The following CELF4 variants were observed in gnomAD, a reference collection of about 807,000 sequenced individuals.
The protein encoded by CELF4 is CUGBP Elav-like family member 4, also known as CUG-BP- and ETR-3-like factor 4.
In CELF4, 18 loss-of-function variants were observed where a neutral mutation model predicts 59.9. The ratio of observed to expected loss-of-function variants is 0.30; its 90% CI spans 0.21 to 0.45. The LOEUF (loss-of-function observed/expected upper bound fraction) is 0.45, where lower values mean the gene tolerates loss of function less well. Among genes scored for constraint, CELF4 ranks in the 20% least tolerant of loss-of-function variants. The pLI, the probability that CELF4 is intolerant of heterozygous loss-of-function variation, is 1.00. For missense variants in CELF4, 456 were observed against 689.0 expected (o/e 0.66, Z 3.79); for synonymous variants, 261 against 267.1 (o/e 0.98, Z 0.22).
chr18:37,477,451 G>C (rs2099853257), intron 2 of CELF4, among the ~76,000 whole-genome samples: 1 of 152,216 alleles, frequency 6.6e-6, no homozygotes, highest in African/African-American at 2.4e-5. Context: ...GTCTGCCCTG[G>C]CTGAATCTTG....
At chr18:37,305,860 A>G (rs768201660) in intron 3 of CELF4, 15 of 152,268 alleles carry the variant, frequency 9.9e-5, no homozygotes, top group Non-Finnish European at 2.2e-4. Context: ...TGGTCAACTT[A>G]GTGCTTTGAT....
intron 2 of CELF4, among the ~76,000 whole-genome samples, chr18:37,381,209 C>T (rs1195384456): frequency 6.6e-6 from 1 of 152,166 alleles, no homozygotes; most frequent in Non-Finnish European, 1.5e-5. Context: ...TGATGCCAGG[C>T]CGTACACTAG....
intron 2 of CELF4, among the ~76,000 whole-genome samples, chr18:37,347,749 C>T (rs1336572398): frequency 6.6e-6 from 1 of 152,096 alleles, no homozygotes; most frequent in African/African-American, 2.4e-5. Context: ...ACACAGGGGG[C>T]AAGTCCCACA....
At chr18:37,487,425 C>T (rs1401870650) in intron 1 of CELF4, among the ~76,000 whole-genome samples, 5 of 152,178 alleles carry the variant, frequency 3.3e-5, no homozygotes, top group Admixed American at 6.5e-5. Flanking sequence ...GGAGAAGCTT[C>T]GGAGAAATCT....
chr18:37,463,141 T>C (rs1011294340), intron 2 of CELF4, among the ~76,000 whole-genome samples: 8 of 152,170 alleles, frequency 5.3e-5, no homozygotes, highest in African/African-American at 1.9e-4. Flanking sequence ...TAGATGCAAA[T>C]TGGAAATGTG....
chr18:37,361,109 A>C (rs1480327964), intron 2 of CELF4, among the ~76,000 whole-genome samples: 3 of 152,162 alleles, frequency 2.0e-5, no homozygotes, highest in Admixed American at 6.5e-5. Flanking sequence ...TCTGCTTGTG[A>C]AGGCCATTCA....
At chr18:37,312,012 G>A (rs2096672949) in intron 3 of CELF4, among the ~76,000 whole-genome samples, 1 of 149,060 alleles carries the variant, frequency 6.7e-6, no homozygotes, top group Non-Finnish European at 1.5e-5. Context: ...TCGGGAGGCT[G>A]AGGCAGGAGA....
intron 1 of CELF4, among the ~76,000 whole-genome samples, chr18:37,552,736 A>G (rs1048725915): frequency 6.6e-6 from 1 of 152,218 alleles, no homozygotes; most frequent in Non-Finnish European, 1.5e-5. Context: ...AGGGTACAGG[A>G]GCCTGGCTTT....
chr18:37,548,418 T>A (rs946609762), intron 1 of CELF4, among the ~76,000 whole-genome samples: 1 of 152,100 alleles, frequency 6.6e-6, no homozygotes, highest in Non-Finnish European at 1.5e-5. Flanking sequence ...CACAGTGACA[T>A]CTCTATCGAA....
At chr18:37,449,614 G>A (rs1041142205) in intron 2 of CELF4, among the ~76,000 whole-genome samples, 3 of 152,190 alleles carry the variant, frequency 2.0e-5, no homozygotes, top group Non-Finnish European at 4.4e-5. Context: ...AAGTCAGGGC[G>A]TAACTGGTTG....
chr18:37,440,907 CT>C (rs1748398069), intron 2 of CELF4, among the ~76,000 whole-genome samples: 1 of 152,292 alleles, frequency 6.6e-6, no homozygotes, highest in African/African-American at 2.4e-5. Flanking sequence ...CAATTCTCCC[CT>C]GATCTCCTGA....
rs539095125 is a variant in CELF4 at position 37,348,444 on chromosome 18, A to G, written c.370-26563T>C. On this transcript the variant is annotated intron_variant, in intron 2 of 12. Coordinates refer to ENST00000420428, the MANE Select transcript of CELF4 (RefSeq NM_020180.4). ...CCCCCGGTCCTGTCCATCCCACATC[A>G]CATCAGGCGCTTCCGGGCACGGACC... Among the ~76,000 whole-genome samples, 13 of 152,144 alleles carry G rather than the reference A, an allele frequency of 8.5e-5. No individual in the cohort carries two copies. The East Asian group carries it at 1.5e-3, about 18-fold the overall frequency.
intron 1 of CELF4, among the ~76,000 whole-genome samples, chr18:37,486,341 C>T (rs893504570): frequency 6.6e-6 from 1 of 152,192 alleles, no homozygotes; most frequent in East Asian, 1.9e-4. Context: ...TCCCCACCTG[C>T]GAACTGAGAA....
rs564284041 is a variant in CELF4, at chr18:37,299,408, G to A, written c.448+22395C>T. 5.3e-4 allele frequency among the ~76,000 whole-genome samples: 80 copies of A among 152,322 alleles called. 1 individual carries two copies. The highest frequency in any genetic ancestry group is 1.8e-3 in the African/African-American group (76 of 41,576). On this transcript the variant is annotated intron_variant, in intron 3 of 12. Transcript: ENST00000420428. Reference sequence around the variant, plus strand: ...GGCCCAGTCACCTCTGGGCAGGGATGCTCCTGGGAGTGAGGGTCCCAGGGG... The same window carrying A: ...GGCCCAGTCACCTCTGGGCAGGGATACTCCTGGGAGTGAGGGTCCCAGGGG...
chr18:37,464,450 C>T (rs1392804916), intron 2 of CELF4, among the ~76,000 whole-genome samples: 2 of 152,226 alleles, frequency 1.3e-5, no homozygotes, highest in South Asian at 2.1e-4. Flanking sequence ...TCAGGCAGCC[C>T]TTTCTAGGCC....
At chr18:37,320,268 G>A (rs2097056152) in intron 3 of CELF4, among the ~76,000 whole-genome samples, 1 of 147,802 alleles carries the variant, frequency 6.8e-6, no homozygotes, top group South Asian at 2.2e-4. Flanking sequence ...CCCGGGAGGC[G>A]GAGCTTGCAG....
At chr18:37,427,670 A>C (rs2099622656) in intron 2 of CELF4, among the ~76,000 whole-genome samples, 1 of 152,066 alleles carries the variant, frequency 6.6e-6, no homozygotes, top group African/African-American at 2.4e-5. Context: ...TTTGGCTTTC[A>C]AGGGCTTCCC....
At chr18:37,366,062 T>C (rs1022156326) in intron 2 of CELF4, among the ~76,000 whole-genome samples, 1 of 152,174 alleles carries the variant, frequency 6.6e-6, no homozygotes, top group African/African-American at 2.4e-5. Context: ...GACCATGGAA[T>C]ACAGCATCTT....
At position 37,565,580 on chromosome 18, in the gene CELF4, T is replaced by C. The variant is rs1199214053; in HGVS notation, c.62A>G (p.Asn21Ser). ...GQADNASLST[N>S]GLGSSPGSAG... ...ACTGCCCGGGCTGCTGCCGAGCCCG[T>C]TGGTACTGAGGCTTGCGTTGTCAGC... The change falls in exon 1 of 13, where the codon AAC (asparagine) becomes AGC (serine). Residue 21 changes from asparagine (N) to serine (S), a missense_variant. Around this residue, in one of 7 missense-constraint regions of CELF4, gnomAD observed 70 missense variants for 69.5 expected, o/e 1.01. Transcript: ENST00000420428. 3.1e-6 allele frequency: 5 copies of C among 1,613,890 alleles called. No homozygotes were observed. Among genetic ancestry groups the C allele is most frequent in the Non-Finnish European group, 4.2e-6 (5 of 1,179,934 alleles).
Sources: gnomAD v4.1 joint callset for allele counts (sites outside exome capture counted in the v4.1 genomes callset) on GRCh38, gnomAD v4.1.1 for gene constraint, gnomAD v4.1.1 regional missense constraint, MANE v1.5 for transcripts, NCBI Gene and HGNC (gene_info 2026-07-23, HGNC 2026-07-21) for gene names.